Variants in BNIPL observed in about 807,000 individuals in gnomAD.
BNIPL encodes bcl-2/adenovirus E1B 19 kDa-interacting protein 2-like protein.
BNIPL carries 33 observed loss-of-function variants against 47.0 expected under a neutral mutation model. That is an observed-to-expected ratio of 0.70 (90% CI 0.53 to 0.94). BNIPL has a LOEUF of 0.94. BNIPL is among the 40% of genes least tolerant of loss of function. The pLI is 0.00. For synonymous variants in BNIPL, 145 were observed against 162.7 expected (o/e 0.89, Z 0.83); for missense variants, 404 against 445.2 (o/e 0.91, Z 0.83).
chr1:151,040,701 A>G (rs1042237177), intron 4 of BNIPL, among the ~76,000 whole-genome samples: 5 of 149,976 alleles, frequency 3.3e-5, no homozygotes, highest in African/African-American at 9.8e-5. Flanking sequence ...AGGCTGAGGC[A>G]GGAGAATCGC....
chr1:151,044,864 GTCT>G (rs764986237), intron 7 of BNIPL: 1 of 1,289,114 alleles, frequency 7.8e-7, no homozygotes, highest in South Asian at 1.2e-5. Flanking sequence ...GTCCTTGCTG[GTCT>G]TCTTCCACCT....
At chr1:151,043,278 T>C in intron 5 of BNIPL, 54 bp from the exon 6 acceptor site, 2 of 1,520,058 alleles carry the variant, frequency 1.3e-6, no homozygotes, top group Non-Finnish European at 1.8e-6. Context: ...ACAGATATAC[T>C]ATCTGTCAAT....
chr1:151,046,784 A>AT lies in BNIPL; in HGVS notation c.*97_*98insT. ...CTGTTTTGTAAATCATCTTATCCCC[A>AT]ACCTCAGTACCACCGGATCTTCACT... On this transcript the variant is annotated 3_prime_UTR_variant, in exon 10 of 10. Coordinates refer to ENST00000368931, the MANE Select transcript of BNIPL (RefSeq NM_138278.4). The AT allele has an allele frequency of 9.9e-7, 1 of 1,006,036 alleles. No homozygotes were observed. Among genetic ancestry groups the AT allele is most frequent in the Non-Finnish European group, 1.5e-6 (1 of 671,806 alleles). The allele number at this position is 1,006,036 out of a possible 1,614,324, so 62.3% of individuals were successfully genotyped here.
At position 151,047,683 on chromosome 1, in the gene BNIPL, A is replaced by G. The variant is rs752918257; in HGVS notation, c.*996A>G. ...CTTGCCGCAGAGGTTCCTTAGGAGC[A>G]CCCCGCGCGGCCCGCGCGAGCGCGC... On this transcript the variant is annotated 3_prime_UTR_variant, in exon 10 of 10. Transcript: ENST00000368931. 6 of 1,194,174 alleles carry G rather than the reference A, an allele frequency of 5.0e-6. No homozygotes were observed. Among genetic ancestry groups the G allele is most frequent in the Non-Finnish European group, 6.7e-6 (6 of 892,304 alleles). The allele number at this position is 1,194,174 out of a possible 1,614,324, so 74.0% of individuals were successfully genotyped here.
intron 4 of BNIPL, among the ~76,000 whole-genome samples, chr1:151,041,099 C>T (rs1315078760): frequency 1.3e-5 from 2 of 152,018 alleles, no homozygotes; most frequent in East Asian, 3.9e-4. Context: ...GTGGGAGGAT[C>T]ACCTGAGCCT....
At position 151,046,136 on chromosome 1, in the gene BNIPL, T is replaced by G; in HGVS notation, c.1008T>G (p.Asp336Glu). The G allele has an allele frequency of 6.2e-7, 1 of 1,614,102 alleles. No homozygotes were observed. The highest frequency in any genetic ancestry group is 1.1e-5 in the South Asian group (1 of 91,086). The change falls in exon 9 of 10, where the codon GAT becomes GAG. Residue 336 changes from aspartate to glutamate, a missense_variant. Asp to Glu is a conservative substitution (Grantham distance 45). Transcript: ENST00000368931. ...AGCTGGCCCAACTCATATCCCTGGA[T>G]CAAGTCCACATCCCTGAAGCTGTCA... ...LGELAQLISLDQVHIPEAVRQ... is the reference protein window; with the variant it reads ...LGELAQLISLEQVHIPEAVRQ...
At chr1:151,041,685 G>T (rs1414348887) in intron 4 of BNIPL, among the ~76,000 whole-genome samples, 1 of 152,098 alleles carries the variant, frequency 6.6e-6, no homozygotes, top group Non-Finnish European at 1.5e-5. Flanking sequence ...ATCAATACAG[G>T]AAATATGGCT....
At chr1:151,040,080 G>T (rs1675764658) in intron 4 of BNIPL, among the ~76,000 whole-genome samples, 1 of 151,944 alleles carries the variant, frequency 6.6e-6, no homozygotes, top group Non-Finnish European at 1.5e-5. Context: ...GGAGTAACAT[G>T]ATCAAATTTA....
rs587654868 is a variant in BNIPL, at chr1:151,038,702, C to T, written c.203-94C>T. On this transcript the variant is annotated intron_variant, in intron 3 of 9. Coordinates refer to ENST00000368931, the MANE Select transcript of BNIPL (RefSeq NM_138278.4). ...TGCGTGAGTCCTTCTTCAGCATTCA[C>T]CCCATATTATCACTTTCACATACAG... The T allele has an allele frequency of 4.9e-4, 763 of 1,558,136 alleles. 8 individuals are homozygous for T. In the South Asian group the frequency reaches 8.7e-3, roughly 18 times the overall value.
chr1:151,045,868 T>C lies in BNIPL; in HGVS notation c.923T>C (p.Leu308Pro), dbSNP rs1231853392. The change falls in exon 8 of 10, where the codon CTT becomes CCT. Residue 308 changes from leucine to proline, a missense_variant. Coordinates refer to ENST00000368931, the MANE Select transcript of BNIPL (RefSeq NM_138278.4). ...TWYVKAFLAL[L>P]RPFISSKFTR... ...TATGTGAAAGCATTTCTGGCACTGCTTCGGCCCTTCATCAGGTACTAGTTC... is the reference window on the plus strand; with the variant it reads ...TATGTGAAAGCATTTCTGGCACTGCCTCGGCCCTTCATCAGGTACTAGTTC... 1.9e-6 allele frequency: 3 copies of C among 1,614,216 alleles called. No individual in the cohort carries two copies. In the Admixed American group the frequency reaches 5.0e-5, roughly 27 times the overall value.
At position 151,038,571 on chromosome 1, in the gene BNIPL, A is replaced by G. The variant is rs765903281; in HGVS notation, c.202+3A>G. On this transcript the variant is annotated splice_donor_region_variant and intron_variant, in intron 3 of 9. Coordinates refer to ENST00000368931, the MANE Select transcript of BNIPL (RefSeq NM_138278.4). ...CCCTAAAGGAGATTCACAGGCAGGT[A>G]GGTCAAGTAGAAACCAGGCCTCAAG... is the stretch of plus-strand genomic sequence containing the variant. The G allele has an allele frequency of 1.2e-6, 2 of 1,612,882 alleles. No homozygotes were observed. The highest frequency in any genetic ancestry group is 2.2e-5 in the South Asian group (2 of 91,056).
chr1:151,036,617 G>C lies in BNIPL; in HGVS notation c.-109G>C, dbSNP rs1675604052. On this transcript the variant is annotated 5_prime_UTR_variant, in exon 1 of 10. Transcript: ENST00000368931. ...CACACCTCCCTCCTTGGAGGCAAGAGCTACAACAGCTGAGACAGAAAAGAG... is the reference window on the plus strand; with the variant it reads ...CACACCTCCCTCCTTGGAGGCAAGACCTACAACAGCTGAGACAGAAAAGAG... 1 of 1,048,802 alleles carries C rather than the reference G, an allele frequency of 9.5e-7. No homozygotes were observed. The highest frequency in any genetic ancestry group is 1.3e-5 in the South Asian group (1 of 77,848). 65.0% of individuals were successfully genotyped at this position (1,048,802 alleles called of 1,614,324 possible).
At chr1:151,037,200 G>A (rs944048076) in intron 1 of BNIPL, 14 of 399,106 alleles carry the variant, frequency 3.5e-5, no homozygotes, top group Admixed American at 4.9e-5. Flanking sequence ...CTCGGTGGAG[G>A]AAAGGCAGGC....
At chr1:151,045,613 A>T in intron 7 of BNIPL, 184 bp from the exon 8 acceptor site, 9 of 827,264 alleles carry the variant, frequency 1.1e-5, no homozygotes, top group Admixed American at 3.7e-5. Flanking sequence ...AGGATCATGG[A>T]GGGCTAAATA....
Position 151,046,534 on chromosome 1 carries a change from G to A in BNIPL, c.1038-117G>A, listed in dbSNP as rs951264008. ...TTAGGGAGCAAAAGTGCTAAATGAT[G>A]ACTCAACCCAATCATCTAGCTCTTC... On this transcript the variant is annotated intron_variant, in intron 9 of 9. Coordinates refer to ENST00000368931, the MANE Select transcript of BNIPL (RefSeq NM_138278.4). 6 of 936,874 alleles carry A rather than the reference G, an allele frequency of 6.4e-6. No individual in the cohort carries two copies. The African/African-American group carries it at 1.0e-4, about 16-fold the overall frequency. The allele number at this position is 936,874 out of a possible 1,614,324, so 58.0% of individuals were successfully genotyped here.
chr1:151,044,778 G>GTT (rs112736066), intron 7 of BNIPL: 1,193 of 979,246 alleles, frequency 1.2e-3, no homozygotes, highest in South Asian at 4.9e-3. Flanking sequence ...TCCTTCTCAG[G>GTT]TTTTTTTTTT....
At chr1:151,044,939 G>T (rs747255706) in intron 7 of BNIPL, 27 of 1,290,142 alleles carry the variant, frequency 2.1e-5, no homozygotes, top group Non-Finnish European at 2.3e-5. Flanking sequence ...GAACTTACGC[G>T]AGGGTAGAGC....
rs1401061720 is a variant in BNIPL at position 151,046,684 on chromosome 1, A to G, written c.1071A>G (p.Thr357=). Reference sequence around the variant, plus strand: ...GGGATCTCCATGGCTCAGGAGGGACATAGCACAGGACTGGATAAAAGGCCT... The same window carrying G: ...GGGATCTCCATGGCTCAGGAGGGACGTAGCACAGGACTGGATAAAAGGCCT... The part of the protein sequence containing the change: ...LDRDLHGSGG[T] Residue 357 remains threonine (T), a synonymous_variant, in exon 10 of 10, where the codon ACA becomes ACG. Transcript: ENST00000368931. 6.2e-7 allele frequency: 1 copy of G among 1,601,468 alleles called. No homozygotes were observed. Among genetic ancestry groups the G allele is most frequent in the Admixed American group, 1.7e-5 (1 of 59,972 alleles).
Position 151,047,715 on chromosome 1 carries a change from G to A in BNIPL, c.*1028G>A, listed in dbSNP as rs1363015456. 7 of 1,393,020 alleles carry A rather than the reference G, an allele frequency of 5.0e-6. No individual in the cohort carries two copies. The highest frequency in any genetic ancestry group is 6.5e-6 in the Non-Finnish European group (7 of 1,074,582). 86.3% of individuals were successfully genotyped at this position (1,393,020 alleles called of 1,614,324 possible). A position where few individuals can be genotyped will look rare whatever the true frequency, so the allele number is the denominator to read the frequency against. ...GCGGCCCGCGCGAGCGCGCCTGCGC[G>A]TCGAACCCCACCCCCTTCCCCGCGG... On this transcript the variant is annotated 3_prime_UTR_variant, in exon 10 of 10. Transcript: ENST00000368931.
Sources: gnomAD v4.1 joint callset for allele counts (sites outside exome capture counted in the v4.1 genomes callset) on GRCh38, gnomAD v4.1.1 for gene constraint, MANE v1.5 for transcripts, NCBI Gene and HGNC (gene_info 2026-07-23, HGNC 2026-07-21) for gene names.